The following SORCS1 variants were observed in gnomAD, a reference collection of about 807,000 sequenced individuals.
The protein encoded by SORCS1 is sortilin related VPS10 domain containing receptor 1.
In SORCS1, 60 loss-of-function variants were observed where a neutral mutation model predicts 146.1. The observed-to-expected ratio is 0.41, with a 90% CI of 0.33 to 0.51. The LOEUF (loss-of-function observed/expected upper bound fraction) is 0.51, where lower values mean the gene tolerates loss of function less well. Ranked by LOEUF, SORCS1 falls within the 20% of genes least tolerant of loss-of-function variation. The pLI is 0.21. For synonymous variants in SORCS1, 637 were observed against 584.0 expected (o/e 1.09, Z -1.31); for missense variants, 1,352 against 1,487.6 (o/e 0.91, Z 1.50).
intron 14 of SORCS1, among the ~76,000 whole-genome samples, chr10:106,674,550 T>C (rs1056188617): frequency 6.6e-6 from 1 of 152,076 alleles, no homozygotes; most frequent in African/African-American, 2.4e-5. Flanking sequence ...GGCAGCGTCA[T>C]TAATCTTTCA....
intron 2 of SORCS1, among the ~76,000 whole-genome samples, chr10:106,901,457 G>C (rs1200461616): frequency 6.6e-6 from 1 of 152,126 alleles, no homozygotes; most frequent in Non-Finnish European, 1.5e-5. Flanking sequence ...TTTTGAGGCA[G>C]TGTCTCACTT....
rs542177649 is a variant in SORCS1 at position 107,055,507 on chromosome 10, A to G, written c.559-98927T>C. ...TTTAAAAAAGCAAAGCCAGTCTTGT[A>G]TTTTTACCTTTCACCAGTGGGCAGA... On this transcript the variant is annotated intron_variant, in intron 1 of 25. Coordinates refer to ENST00000263054, the MANE Select transcript of SORCS1 (RefSeq NM_052918.5). 5.9e-5 allele frequency among the ~76,000 whole-genome samples: 9 copies of G among 152,322 alleles called. No homozygotes were observed. In the East Asian group the frequency reaches 1.7e-3, roughly 29 times the overall value.
chr10:106,947,838 C>CA (rs946945206), intron 2 of SORCS1, among the ~76,000 whole-genome samples: 3,480 of 133,524 alleles, frequency 0.026, 107 homozygotes, highest in South Asian at 0.13. Flanking sequence ...AACTCCATCT[C>CA]AAAAAAAAAA....
intron 2 of SORCS1, among the ~76,000 whole-genome samples, chr10:106,951,759 TAA>T (rs1402797107): frequency 6.6e-6 from 1 of 152,216 alleles, no homozygotes; most frequent in Non-Finnish European, 1.5e-5. Flanking sequence ...AGCTATATGC[TAA>T]GTCTTGTACT....
chr10:106,635,068 T>C (rs1848652509), intron 18 of SORCS1, among the ~76,000 whole-genome samples: 2 of 152,176 alleles, frequency 1.3e-5, no homozygotes, highest in Admixed American at 1.3e-4. Context: ...ACGTCTAGAA[T>C]AGAAAAACAA....
At chr10:106,926,592 A>G (rs1287672891) in intron 2 of SORCS1, among the ~76,000 whole-genome samples, 2 of 152,194 alleles carry the variant, frequency 1.3e-5, no homozygotes, top group African/African-American at 4.8e-5. Context: ...TATAGTTCAA[A>G]TGTAGTCAAC....
At chr10:106,620,307 G>C in intron 20 of SORCS1, 121 bp downstream of exon 20, 1 of 1,295,282 alleles carries the variant, frequency 7.7e-7, no homozygotes, top group Admixed American at 2.6e-5. Flanking sequence ...GGAGCTTGTT[G>C]TCCTTGAAGC....
At chr10:106,742,787 A>T (rs1857451697) in intron 5 of SORCS1, among the ~76,000 whole-genome samples, 1 of 152,216 alleles carries the variant, frequency 6.6e-6, no homozygotes, top group Admixed American at 6.5e-5. Context: ...CACTTGTGAC[A>T]TCATGTTGTC....
At chr10:106,949,949 GA>G (rs904715285) in intron 2 of SORCS1, among the ~76,000 whole-genome samples, 9 of 151,624 alleles carry the variant, frequency 5.9e-5, no homozygotes, top group Non-Finnish European at 1.3e-4. Flanking sequence ...GTATAACAGG[GA>G]AAAAAAAGAT....
intron 1 of SORCS1, among the ~76,000 whole-genome samples, chr10:107,160,877 T>C (rs1182338334): frequency 1.3e-5 from 2 of 152,196 alleles, no homozygotes; most frequent in African/African-American, 4.8e-5. Context: ...TTTAACACTC[T>C]AAGGATTACT....
At chr10:107,082,460 CCTTT>C (rs1464283412) in intron 1 of SORCS1, among the ~76,000 whole-genome samples, 1 of 151,910 alleles carries the variant, frequency 6.6e-6, no homozygotes, top group Non-Finnish European at 1.5e-5. Flanking sequence ...TGGTGCTTCT[CCTTT>C]CTTTTTTTTT....
chr10:107,060,042 T>C lies in SORCS1; in HGVS notation c.559-103462A>G, dbSNP rs1360989586. On this transcript the variant is annotated intron_variant, in intron 1 of 25. Transcript: ENST00000263054. This position sits in a 1 kb window ranked among gnomAD's most constrained non-coding sequence, Gnocchi z 4.1. ...TGACACAGTGGTCTTTAATCTACCA[T>C]GTGTCCTCATACACAGAATCCTTAT... 6.6e-6 allele frequency among the ~76,000 whole-genome samples: 1 copy of C among 152,132 alleles called. No homozygotes were observed. Among genetic ancestry groups the C allele is most frequent in the Non-Finnish European group, 1.5e-5 (1 of 68,028 alleles).
Position 106,579,381 on chromosome 10 carries a change from T to C in SORCS1, c.3359A>G (p.Tyr1120Cys). 2 of 1,613,958 alleles carry C rather than the reference T, an allele frequency of 1.2e-6. No homozygotes were observed. The highest frequency in any genetic ancestry group is 8.5e-7 in the Non-Finnish European group (1 of 1,179,974). ...GAGGGACACGCACCTTTTAAACTTG[T>C]AGATGACGAACACTGCCAGCCCCAC... is the stretch of plus-strand genomic sequence containing the variant. ...VFVGLAVFVI[Y>C]KFKRRVALPS... The change falls in exon 25 of 26, where the codon TAC (tyrosine) becomes TGC (cysteine). Residue 1120 changes from tyrosine to cysteine, a missense_variant. Tyr to Cys is a radical substitution (Grantham distance 194). Around this residue, in one of 3 missense-constraint regions of SORCS1, gnomAD observed 214 missense variants for 204.8 expected, o/e 1.05. Transcript: ENST00000263054.
chr10:107,050,834 G>A (rs1960036456), intron 1 of SORCS1, among the ~76,000 whole-genome samples: 1 of 151,956 alleles, frequency 6.6e-6, no homozygotes, highest in Admixed American at 6.6e-5. Flanking sequence ...AAGAAGAGTG[G>A]GCTGAATTTT....
chr10:106,948,150 C>A (rs1380598910), intron 2 of SORCS1, among the ~76,000 whole-genome samples: 1 of 151,532 alleles, frequency 6.6e-6, no homozygotes, highest in African/African-American at 2.4e-5. Flanking sequence ...AAAAAGTAGA[C>A]CTATGGTATG....
intron 1 of SORCS1, among the ~76,000 whole-genome samples, chr10:107,159,030 A>C (rs2134905518): frequency 6.6e-6 from 1 of 152,228 alleles, no homozygotes; most frequent in East Asian, 1.9e-4. Context: ...AGGGGGGTCC[A>C]AAGTTAGCAA....
rs371424628 is a variant in SORCS1 at position 106,679,536 on chromosome 10, T to C, written c.1663+96A>G. 28 of 1,160,402 alleles carry C rather than the reference T, an allele frequency of 2.4e-5. No homozygotes were observed. The African/African-American group carries it at 2.8e-4, about 12-fold the overall frequency. 71.9% of individuals were successfully genotyped at this position (1,160,402 alleles called of 1,614,324 possible). On this transcript the variant is annotated intron_variant, in intron 11 of 25. Transcript: ENST00000263054. Reference sequence around the variant, plus strand: ...TTGCTCATTAAGTTCCAAGTACAGATATCTAGCTTCTTAAAATAAACTTCC... The same window carrying C: ...TTGCTCATTAAGTTCCAAGTACAGACATCTAGCTTCTTAAAATAAACTTCC...
At chr10:106,842,003 T>C (rs1249333506) in intron 2 of SORCS1, among the ~76,000 whole-genome samples, 3 of 152,220 alleles carry the variant, frequency 2.0e-5, no homozygotes, top group Admixed American at 6.5e-5. Context: ...ATTGCCAAAC[T>C]GTCTCCCAAA....
intron 1 of SORCS1, among the ~76,000 whole-genome samples, chr10:107,100,175 T>C (rs1964817451): frequency 6.6e-6 from 1 of 152,100 alleles, no homozygotes; most frequent in African/African-American, 2.4e-5. Context: ...TATTCAAATA[T>C]GAGTTTTTCA....
Sources: allele counts gnomAD v4.1 joint callset (sites outside exome capture counted in the v4.1 genomes callset), GRCh38; gene constraint gnomAD v4.1.1; regional missense constraint gnomAD v4.1.1; non-coding constraint Gnocchi (gnomAD v3.1); transcripts MANE v1.5; gene names NCBI Gene and HGNC (gene_info 2026-07-23, HGNC 2026-07-21).